Variants in CATSPERB observed in about 807,000 individuals in gnomAD.
CATSPERB encodes cation channel sperm-associated auxiliary subunit beta.
Under a neutral mutation model 128.3 loss-of-function variants are expected in CATSPERB, and 93 were observed. The ratio of observed to expected loss-of-function variants is 0.72; its 90% CI spans 0.61 to 0.86. The LOEUF (loss-of-function observed/expected upper bound fraction) is 0.86, where lower values mean the gene tolerates loss of function less well. Ranked by LOEUF, CATSPERB falls within the 40% of genes least tolerant of loss-of-function variation. The probability of loss-of-function intolerance (pLI) is 0.00; values close to 1 mark genes in which losing one functional copy is unlikely to be tolerated. For synonymous variants in CATSPERB, 381 were observed against 448.8 expected (o/e 0.85, Z 1.91); for missense variants, 1,153 against 1,329.5 (o/e 0.87, Z 2.06).
At chr14:91,691,939 G>A (rs1255822235) in intron 9 of CATSPERB, among the ~76,000 whole-genome samples, 2 of 152,176 alleles carry the variant, frequency 1.3e-5, no homozygotes, top group South Asian at 2.1e-4. Flanking sequence ...AGCACTTTGG[G>A]AGGCCGCGAT....
chr14:91,658,620 A>C (rs1182423635), intron 15 of CATSPERB, among the ~76,000 whole-genome samples: 2 of 148,470 alleles, frequency 1.3e-5, no homozygotes, highest in Non-Finnish European at 3.0e-5. Context: ...TGATTATTAC[A>C]CAGTGTATGC....
At chr14:91,616,773 C>A (rs1444076699) in intron 20 of CATSPERB, among the ~76,000 whole-genome samples, 1 of 108,522 alleles carries the variant, frequency 9.2e-6, no homozygotes, top group African/African-American at 3.5e-5. Context: ...CAGAGTTTCA[C>A]TCTTGTTGCC....
chr14:91,686,986 C>A (rs1018869275), intron 10 of CATSPERB, among the ~76,000 whole-genome samples: 1 of 151,756 alleles, frequency 6.6e-6, no homozygotes, highest in Non-Finnish European at 1.5e-5. Context: ...GGATTTTTTC[C>A]TATGATAATT....
rs543538438 is a variant in CATSPERB at position 91,665,567 on chromosome 14, T to C, written c.1287+4247A>G. ...AACATTCAAGGGTCAAAGAAGAAATTAGAGATTTTAAACTGATATTGGCTG... is the reference window on the plus strand; with the variant it reads ...AACATTCAAGGGTCAAAGAAGAAATCAGAGATTTTAAACTGATATTGGCTG... On this transcript the variant is annotated intron_variant, in intron 14 of 26. Transcript: ENST00000256343. Among the ~76,000 whole-genome samples the C allele has an allele frequency of 1.7e-3, 264 of 152,138 alleles. 1 individual carries two copies. Among genetic ancestry groups the C allele is most frequent in the Non-Finnish European group, 3.2e-3 (216 of 67,982 alleles).
chr14:91,664,050 A>G (rs936751370), intron 14 of CATSPERB, among the ~76,000 whole-genome samples: 1 of 152,142 alleles, frequency 6.6e-6, no homozygotes, highest in South Asian at 2.1e-4. Flanking sequence ...CCATTATAGT[A>G]TCAGACAGAA....
chr14:91,604,527 C>A (rs1421111511), intron 22 of CATSPERB: 2 of 1,605,680 alleles, frequency 1.2e-6, no homozygotes, highest in East Asian at 2.2e-5. Context: ...TCCAAGGCAG[C>A]CTCCAAGTCA....
At chr14:91,581,718 G>C (rs953878862) in intron 26 of CATSPERB, among the ~76,000 whole-genome samples, 1 of 152,234 alleles carries the variant, frequency 6.6e-6, no homozygotes, top group Non-Finnish European at 1.5e-5. Flanking sequence ...GAGAGGGACA[G>C]TGATGTCTTT....
chr14:91,606,520 G>A (rs1253120739), intron 22 of CATSPERB, among the ~76,000 whole-genome samples: 1 of 152,170 alleles, frequency 6.6e-6, no homozygotes, highest in African/African-American at 2.4e-5. Flanking sequence ...CTGAGATCAC[G>A]CCACTGCACT....
intron 22 of CATSPERB, among the ~76,000 whole-genome samples, chr14:91,597,195 G>T (rs959488834): frequency 6.6e-6 from 1 of 151,950 alleles, no homozygotes; most frequent in Admixed American, 6.6e-5. Flanking sequence ...TGGCCAAAAA[G>T]ATATAATTTA....
intron 10 of CATSPERB, among the ~76,000 whole-genome samples, chr14:91,688,161 G>T (rs1895406726): frequency 6.6e-6 from 1 of 151,872 alleles, no homozygotes; most frequent in Admixed American, 6.6e-5. Context: ...TCCTTAGTTG[G>T]GATAACCAGG....
chr14:91,715,708 C>T (rs980791348), intron 5 of CATSPERB, among the ~76,000 whole-genome samples: 5 of 151,822 alleles, frequency 3.3e-5, no homozygotes, highest in Admixed American at 3.3e-4. Flanking sequence ...CTATAATAAC[C>T]AAAACAATTT....
In CATSPERB at chr14:91,672,936, A is replaced by C. The variant is rs2139831872; in HGVS notation, c.1059T>G (p.Ile353Met). 1 of 1,603,478 alleles carries C rather than the reference A, an allele frequency of 6.2e-7. No homozygotes were observed. The highest frequency in any genetic ancestry group is 8.5e-7 in the Non-Finnish European group (1 of 1,177,734). Reference sequence around the variant, plus strand: ...CAAGAAATGTTAGCACAGTTGGAAAAATTTTTATTCCTTTAAAAATGTGAG... The same window carrying C: ...CAAGAAATGTTAGCACAGTTGGAAACATTTTTATTCCTTTAAAAATGTGAG... ...CLPHIFKGIK[I>M]FPTVLTFLVD... Residue 353 changes from isoleucine to methionine, a missense_variant, in exon 13 of 27, where the codon ATT becomes ATG. Physicochemically the swap from Ile to Met is conservative, Grantham distance 10. Coordinates refer to ENST00000256343, the MANE Select transcript of CATSPERB (RefSeq NM_024764.4).
At chr14:91,719,363 T>G (rs1290797329) in intron 5 of CATSPERB, 55 bp downstream of exon 5, 1 of 1,253,714 alleles carries the variant, frequency 8.0e-7, no homozygotes, top group African/African-American at 1.5e-5. Context: ...TTTTGTTCTT[T>G]TTATTTGATA....
chr14:91,590,881 G>T (rs2139759520), intron 23 of CATSPERB, among the ~76,000 whole-genome samples: 2 of 151,928 alleles, frequency 1.3e-5, no homozygotes, highest in East Asian at 3.9e-4. Flanking sequence ...TCAATCTCCT[G>T]ACCTCATGAT....
chr14:91,592,318 C>T, intron 22 of CATSPERB: 1 of 353,598 alleles, frequency 2.8e-6, no homozygotes, highest in Non-Finnish European at 5.2e-6. Flanking sequence ...CTGCTCTTGG[C>T]CCCTGCCAGT....
chr14:91,622,226 T>C (rs1044198137), intron 18 of CATSPERB, among the ~76,000 whole-genome samples: 1 of 152,130 alleles, frequency 6.6e-6, no homozygotes, highest in African/African-American at 2.4e-5. Flanking sequence ...TTTTTTACTA[T>C]GGAAATACTA....
chr14:91,730,614 G>A (rs1896195332), intron 1 of CATSPERB, among the ~76,000 whole-genome samples: 1 of 152,134 alleles, frequency 6.6e-6, no homozygotes, highest in Admixed American at 6.5e-5. Flanking sequence ...TTTGCTATTA[G>A]TAATAAAGTC....
At chr14:91,717,831 T>C (rs1046208475) in intron 5 of CATSPERB, among the ~76,000 whole-genome samples, 6 of 152,214 alleles carry the variant, frequency 3.9e-5, no homozygotes, top group African/African-American at 1.4e-4. Flanking sequence ...TATGATCTCC[T>C]TACCTCTGAA....
intron 17 of CATSPERB, among the ~76,000 whole-genome samples, chr14:91,629,346 G>A (rs757951748): frequency 5.3e-5 from 8 of 152,162 alleles, no homozygotes; most frequent in African/African-American, 1.2e-4. Context: ...CAAAAAGATC[G>A]GTGGTTGCCA....
Sources: allele counts gnomAD v4.1 joint callset (sites outside exome capture counted in the v4.1 genomes callset), GRCh38; gene constraint gnomAD v4.1.1; transcripts MANE v1.5; gene names NCBI Gene and HGNC (gene_info 2026-07-23, HGNC 2026-07-21).